UBXN4: variants seen among roughly 807,000 people sequenced by gnomAD.
The protein encoded by UBXN4 is UBX domain-containing protein 4.
A neutral mutation model predicts 66.2 loss-of-function variants in UBXN4; 35 were observed. The observed-to-expected ratio is 0.53, with a 90% CI of 0.40 to 0.70. The LOEUF (loss-of-function observed/expected upper bound fraction) is 0.70, where lower values mean the gene tolerates loss of function less well. UBXN4 is among the 30% of genes least tolerant of loss of function. UBXN4 has a pLI of 0.00. For missense variants in UBXN4, 533 were observed against 599.8 expected, an observed-to-expected ratio of 0.89 and a Z score of 1.16; for synonymous variants, 203 against 204.5, an observed-to-expected ratio of 0.99 and a Z score of 0.06.
chr2:135,764,118 C>A (rs115797754), intron 6 of UBXN4, among the ~76,000 whole-genome samples: 1 of 138,032 alleles, frequency 7.2e-6, no homozygotes, highest in African/African-American at 2.6e-5. Context: ...AGTGCTACTC[C>A]GTCTCAAAAT....
chr2:135,781,704 T>G (rs2077451518), intron 12 of UBXN4, among the ~76,000 whole-genome samples: 1 of 152,240 alleles, frequency 6.6e-6, no homozygotes, highest in Admixed American at 6.5e-5. Flanking sequence ...ATCTTAAAAC[T>G]CTTACTGAGC....
At chr2:135,752,913 A>G (rs1475342032) in intron 2 of UBXN4, among the ~76,000 whole-genome samples, 3 of 147,908 alleles carry the variant, frequency 2.0e-5, no homozygotes, top group African/African-American at 7.5e-5. Flanking sequence ...TAGAGACCAG[A>G]TTTCACCATG....
chr2:135,758,780 A>G (rs952323590), intron 5 of UBXN4, among the ~76,000 whole-genome samples: 8 of 151,586 alleles, frequency 5.3e-5, no homozygotes, highest in African/African-American at 1.7e-4. Flanking sequence ...TTTTTTTGAG[A>G]CAGAGTCTCA....
chr2:135,777,198 C>G (rs1325083772), intron 10 of UBXN4, among the ~76,000 whole-genome samples: 1 of 152,106 alleles, frequency 6.6e-6, no homozygotes, highest in Non-Finnish European at 1.5e-5. Context: ...GAGTAGTTTT[C>G]AATTTATTTT....
At chr2:135,747,754 C>T (rs138087641) in intron 1 of UBXN4, 1 of 452,018 alleles carries the variant, frequency 2.2e-6, no homozygotes, top group Admixed American at 2.4e-5. Context: ...CCTGCCTCAG[C>T]CTCCTATGTA....
intron 6 of UBXN4, among the ~76,000 whole-genome samples, chr2:135,769,042 A>C (rs2077366282): frequency 6.6e-6 from 1 of 151,742 alleles, no homozygotes; most frequent in Non-Finnish European, 1.5e-5. Flanking sequence ...TCCCTTTGTC[A>C]CCCAGGCTGG....
chr2:135,757,206 T>C (rs1170863797), intron 5 of UBXN4, among the ~76,000 whole-genome samples: 1 of 152,200 alleles, frequency 6.6e-6, no homozygotes, highest in Non-Finnish European at 1.5e-5. Flanking sequence ...TATTTTTTCT[T>C]CTTTGGATTG....
At chr2:135,744,128 G>A (rs1420212599) in intron 1 of UBXN4, among the ~76,000 whole-genome samples, 1 of 152,212 alleles carries the variant, frequency 6.6e-6, no homozygotes, top group East Asian at 1.9e-4. Context: ...AGATTGCTTA[G>A]AGCTTTCTTC....
Position 135,772,404 on chromosome 2 carries a change from T to C in UBXN4, c.823-16T>C. On this transcript the variant is annotated splice_polypyrimidine_tract_variant and intron_variant, in intron 8 of 12. Transcript: ENST00000272638. Reference sequence around the variant, plus strand: ...TCTGGCAGTAAAGGTAATTGGTATTTAATGATGTTTTAAAGGACCGTGCAG... The same window carrying C: ...TCTGGCAGTAAAGGTAATTGGTATTCAATGATGTTTTAAAGGACCGTGCAG... The C allele has an allele frequency of 6.2e-7, 1 of 1,612,358 alleles. No homozygotes were observed.
intron 6 of UBXN4, among the ~76,000 whole-genome samples, chr2:135,764,707 T>C (rs1266314434): frequency 1.3e-5 from 2 of 152,324 alleles, no homozygotes; most frequent in Non-Finnish European, 1.5e-5. Flanking sequence ...GGTTTCGCCA[T>C]GTTGGCTGGG....
At chr2:135,769,670 T>C in intron 6 of UBXN4, 99 bp from the exon 7 acceptor site, 1 of 910,534 alleles carries the variant, frequency 1.1e-6, no homozygotes, top group Non-Finnish European at 1.5e-6. Flanking sequence ...GTTTGTTTCT[T>C]TATTTCTCCA....
chr2:135,758,938 T>C lies in UBXN4; in HGVS notation c.509-2880T>C, dbSNP rs531197098. ...CATGCCCGGCTAATTTTTGTATTTT[T>C]AGTAGAGACGGGGTTTCACCATGTT... On this transcript the variant is annotated intron_variant, in intron 5 of 12. Coordinates refer to ENST00000272638, the MANE Select transcript of UBXN4 (RefSeq NM_014607.4). Among the ~76,000 whole-genome samples, 27 of 152,274 alleles carry C rather than the reference T, an allele frequency of 1.8e-4. No homozygotes were observed. The East Asian group carries it at 4.4e-3, about 25-fold the overall frequency.
At chr2:135,761,146 G>C (rs999311438) in intron 5 of UBXN4, among the ~76,000 whole-genome samples, 9 of 152,218 alleles carry the variant, frequency 5.9e-5, no homozygotes, top group African/African-American at 2.2e-4. Context: ...GTTCGCCAAA[G>C]ACTGTAAAGA....
At chr2:135,747,007 G>A (rs943637340) in intron 1 of UBXN4, among the ~76,000 whole-genome samples, 3 of 151,984 alleles carry the variant, frequency 2.0e-5, no homozygotes, top group Non-Finnish European at 4.4e-5. Flanking sequence ...TAGTGGAAGT[G>A]GTAAGAAAGT....
At chr2:135,748,104 A>C (rs1039878930) in intron 1 of UBXN4, 163 bp from the exon 2 acceptor site, 9 of 491,052 alleles carry the variant, frequency 1.8e-5, no homozygotes, top group African/African-American at 1.8e-4. Context: ...TGAACTGTGT[A>C]TGCAGTCACA....
rs922645768 is a variant in UBXN4 at position 135,766,619 on chromosome 2, G to C, written c.603-3150G>C. On this transcript the variant is annotated intron_variant, in intron 6 of 12. Coordinates refer to ENST00000272638, the MANE Select transcript of UBXN4 (RefSeq NM_014607.4). ...TGATCTGCTCCCTGTTCTATCATTAGATTCAGGTTAAACTCTGATAAGAAC... is the reference window on the plus strand; with the variant it reads ...TGATCTGCTCCCTGTTCTATCATTACATTCAGGTTAAACTCTGATAAGAAC... Among the ~76,000 whole-genome samples the C allele has an allele frequency of 2.0e-5, 3 of 152,306 alleles. No homozygotes were observed. The South Asian group carries it at 6.2e-4, about 32-fold the overall frequency.
At position 135,782,961 on chromosome 2, in the gene UBXN4, G is replaced by C; in HGVS notation, c.*74G>C. The C allele has an allele frequency of 6.7e-7, 1 of 1,487,686 alleles. No homozygotes were observed. Among genetic ancestry groups the C allele is most frequent in the Non-Finnish European group, 9.1e-7 (1 of 1,094,508 alleles). 92.2% of individuals were successfully genotyped at this position (1,487,686 alleles called of 1,614,324 possible). A position where few individuals can be genotyped will look rare whatever the true frequency, so the allele number is the denominator to read the frequency against. ...ATTCAACTAAAATTCTACTGGAGAA[G>C]TGGGACTGCTTTATATTTTCCAACT... On this transcript the variant is annotated 3_prime_UTR_variant, in exon 13 of 13. Transcript: ENST00000272638.
chr2:135,746,971 G>A lies in UBXN4; in HGVS notation c.83-1296G>A, dbSNP rs138577161. 4.3e-3 allele frequency among the ~76,000 whole-genome samples: 659 copies of A among 152,128 alleles called. 7 individuals are homozygous for A. The highest frequency in any genetic ancestry group is 0.015 in the African/African-American group (628 of 41,510). ...CTTTTACTAGGCTTCCAGGTGAGAT[G>A]TGATAGCTTGGATCAGGGTAGTTAG... On this transcript the variant is annotated intron_variant, in intron 1 of 12. Coordinates refer to ENST00000272638, the MANE Select transcript of UBXN4 (RefSeq NM_014607.4).
At chr2:135,769,129 G>T (rs1357123778) in intron 6 of UBXN4, among the ~76,000 whole-genome samples, 1 of 152,118 alleles carries the variant, frequency 6.6e-6, no homozygotes, top group African/African-American at 2.4e-5. Flanking sequence ...AGCCCCTAAA[G>T]TAGCTGGAAC....
Sources: gnomAD v4.1 joint callset for allele counts (sites outside exome capture counted in the v4.1 genomes callset) on GRCh38, gnomAD v4.1.1 for gene constraint, MANE v1.5 for transcripts, NCBI Gene and HGNC (gene_info 2026-07-23, HGNC 2026-07-21) for gene names.